ABTB3: variants seen among roughly 807,000 people sequenced by gnomAD.
ABTB3 encodes the protein ankyrin repeat and BTB domain containing 3.
At chr12:107,420,965 T>A in the ABTB3 span, among the ~76,000 whole-genome samples, 1 of 152,194 alleles carries the variant, frequency 6.6e-6, no homozygotes, top group Admixed American at 6.5e-5. Flanking sequence ...ACACAAGCCT[T>A]GGTTCCAAAT....
chr12:107,422,765 C>T, the ABTB3 span, among the ~76,000 whole-genome samples: 1 of 152,324 alleles, frequency 6.6e-6, no homozygotes, highest in East Asian at 1.9e-4. Flanking sequence ...AGAGCAGAAA[C>T]CCAACTCACA....
At chr12:107,344,554 C>G in the ABTB3 span, among the ~76,000 whole-genome samples, 3 of 152,182 alleles carry the variant, frequency 2.0e-5, no homozygotes, top group Non-Finnish European at 4.4e-5. Flanking sequence ...AGACCTCATC[C>G]CCAGTCAAGT....
the ABTB3 span, among the ~76,000 whole-genome samples, chr12:107,404,424 C>T: frequency 2.6e-5 from 4 of 152,074 alleles, no homozygotes; most frequent in East Asian, 1.9e-4. Context: ...CACAAATACT[C>T]GATCTCTGCT....
the ABTB3 span, among the ~76,000 whole-genome samples, chr12:107,614,334 G>A: frequency 6.6e-6 from 1 of 152,134 alleles, no homozygotes; most frequent in South Asian, 2.1e-4. Context: ...CCATATTTCG[G>A]TAGTGCAAGA....
At chr12:107,560,543 C>T in the ABTB3 span, among the ~76,000 whole-genome samples, 1 of 152,192 alleles carries the variant, frequency 6.6e-6, no homozygotes, top group East Asian at 1.9e-4. Context: ...CACTTCCATA[C>T]TCAGGATCTC....
chr12:107,544,024 G>T, the ABTB3 span: 4 of 1,613,966 alleles, frequency 2.5e-6, no homozygotes, highest in Non-Finnish European at 3.4e-6. Context: ...CAAGCAGGGG[G>T]CACTGTACTG....
chr12:107,460,709 G>A, the ABTB3 span, among the ~76,000 whole-genome samples: 17 of 152,256 alleles, frequency 1.1e-4, no homozygotes, highest in Admixed American at 4.6e-4. Context: ...GAGGGGCCAC[G>A]GTGTTGCTTC....
the ABTB3 span, among the ~76,000 whole-genome samples, chr12:107,447,898 G>A: frequency 6.6e-6 from 1 of 152,190 alleles, no homozygotes; most frequent in Non-Finnish European, 1.5e-5. Context: ...GGTCAGCCCT[G>A]CAGTATTAGG....
At chr12:107,323,862 T>A in the ABTB3 span, among the ~76,000 whole-genome samples, 1 of 152,214 alleles carries the variant, frequency 6.6e-6, no homozygotes, top group Non-Finnish European at 1.5e-5. Context: ...TCTCTACTGC[T>A]TGTTAAACGA....
chr12:107,369,545 C>A, the ABTB3 span, among the ~76,000 whole-genome samples: 1 of 151,454 alleles, frequency 6.6e-6, no homozygotes, highest in Admixed American at 6.6e-5. Context: ...TTACAGGCAC[C>A]CACCACCACA....
chr12:107,613,990 A>C, the ABTB3 span, among the ~76,000 whole-genome samples: 7 of 152,018 alleles, frequency 4.6e-5, no homozygotes, highest in Admixed American at 4.6e-4. Flanking sequence ...CCTGCTATGA[A>C]TCCTTAAGCA....
chr12:107,432,010 C>T, the ABTB3 span, among the ~76,000 whole-genome samples: 1 of 152,226 alleles, frequency 6.6e-6, no homozygotes, highest in Non-Finnish European at 1.5e-5. Flanking sequence ...TTATTTACTG[C>T]ATGCTGTTTG....
At chr12:107,356,752 A>G in the ABTB3 span, among the ~76,000 whole-genome samples, 1 of 152,244 alleles carries the variant, frequency 6.6e-6, no homozygotes, top group Non-Finnish European at 1.5e-5. Context: ...CAAATGCAGC[A>G]GCAGAGACTG....
At chr12:107,611,552 T>C in the ABTB3 span, among the ~76,000 whole-genome samples, 5 of 152,382 alleles carry the variant, frequency 3.3e-5, no homozygotes, top group East Asian at 1.9e-4. Context: ...CAGGCGTCAA[T>C]TGTTGGAAAT....
the ABTB3 span, among the ~76,000 whole-genome samples, chr12:107,605,563 C>G: frequency 6.6e-6 from 1 of 152,124 alleles, no homozygotes; most frequent in Non-Finnish European, 1.5e-5. Flanking sequence ...GGGAGAGAAG[C>G]TGGGAAGGGG....
chr12:107,445,547 C>T, the ABTB3 span, among the ~76,000 whole-genome samples: 2 of 152,164 alleles, frequency 1.3e-5, no homozygotes, highest in African/African-American at 4.8e-5. Context: ...TGTATTAATA[C>T]AAACAGCACT....
chr12:107,511,664 G>A, the ABTB3 span, among the ~76,000 whole-genome samples: 15 of 152,248 alleles, frequency 9.9e-5, 1 homozygote, highest in African/African-American at 1.4e-4. Context: ...CATTCTGGTG[G>A]CCAAAGCAAG....
chr12:107,393,277 T>C, the ABTB3 span, among the ~76,000 whole-genome samples: 1 of 135,850 alleles, frequency 7.4e-6, no homozygotes, highest in South Asian at 2.2e-4. Flanking sequence ...TGCTTTCTAG[T>C]AGGAAGGCTG....
the ABTB3 span, among the ~76,000 whole-genome samples, chr12:107,580,413 C>A: frequency 6.6e-6 from 1 of 152,236 alleles, no homozygotes; most frequent in Admixed American, 6.5e-5. Flanking sequence ...TCAATGCGTG[C>A]AACAAGCTTG....
Sources: gnomAD v4.1 joint callset for allele counts (sites outside exome capture counted in the v4.1 genomes callset) on GRCh38, gnomAD v4.1.1 for gene constraint, MANE v1.5 for transcripts, NCBI Gene and HGNC (gene_info 2026-07-23, HGNC 2026-07-21) for gene names.